The following MYT1L variants were observed in gnomAD, a reference collection of about 807,000 sequenced individuals.
MYT1L encodes the protein myelin transcription factor 1 like, also known as myelin transcription factor 1-like protein.
In MYT1L, 12 loss-of-function variants were observed where a neutral mutation model predicts 126.7. The ratio of observed to expected loss-of-function variants is 0.09; its 90% CI spans 0.06 to 0.15. The LOEUF is 0.15. MYT1L is among the 10% of genes least tolerant of loss of function. The pLI, the probability that MYT1L is intolerant of heterozygous loss-of-function variation, is 1.00. For synonymous variants in MYT1L, 541 were observed against 604.2 expected (o/e 0.90, Z 1.53); for missense variants, 979 against 1,585.2 (o/e 0.62, Z 6.49).
intron 4 of MYT1L, among the ~76,000 whole-genome samples, chr2:2,000,668 T>C (rs1213774565): frequency 1.3e-5 from 2 of 152,136 alleles, no homozygotes; most frequent in Non-Finnish European, 2.9e-5. Flanking sequence ...AATCCCATGG[T>C]TTGAGTGTCC....
At position 2,199,990 on chromosome 2, in the gene MYT1L, A is replaced by G. The variant is rs572665526; in HGVS notation, c.-420-27002T>C. On this transcript the variant is annotated intron_variant, in intron 2 of 24. Coordinates refer to ENST00000647738, the MANE Select transcript of MYT1L (RefSeq NM_001303052.2). ...AGCCAAGGAAGCAGCGTGCAGTGCC[A>G]TTCCTTCCTCCAGGTAAGCCTCGTT... Among the ~76,000 whole-genome samples the G allele has an allele frequency of 1.8e-4, 27 of 152,302 alleles. No homozygotes were observed. The South Asian group carries it at 5.4e-3, about 30-fold the overall frequency.
intron 18 of MYT1L, among the ~76,000 whole-genome samples, chr2:1,855,215 T>C (rs1334730381): frequency 6.6e-6 from 1 of 152,216 alleles, no homozygotes; most frequent in Non-Finnish European, 1.5e-5. Context: ...ACTGTTCATC[T>C]AACAAAAGGG....
intron 1 of MYT1L, chr2:2,324,207 A>C (rs2096214362): frequency 6.6e-6 from 1 of 152,204 alleles, no homozygotes; most frequent in African/African-American, 2.4e-5. Flanking sequence ...CAAGACTTGC[A>C]AAACAAAGTC....
chr2:1,870,161 A>C (rs896729545), intron 18 of MYT1L, among the ~76,000 whole-genome samples: 1 of 152,172 alleles, frequency 6.6e-6, no homozygotes, highest in Non-Finnish European at 1.5e-5. Flanking sequence ...GAAACTATTC[A>C]TTGAAATCAT....
At chr2:2,254,780 C>A (rs2094760530) in intron 2 of MYT1L, among the ~76,000 whole-genome samples, 1 of 152,072 alleles carries the variant, frequency 6.6e-6, no homozygotes, top group African/African-American at 2.4e-5. Context: ...CTTTAATCTT[C>A]ATCACAAGAA....
At chr2:1,882,866 C>A (rs766647361) in intron 18 of MYT1L, among the ~76,000 whole-genome samples, 1 of 152,198 alleles carries the variant, frequency 6.6e-6, no homozygotes, top group Non-Finnish European at 1.5e-5. Context: ...AAAGCAACAT[C>A]TTGACCTACA....
intron 10 of MYT1L, among the ~76,000 whole-genome samples, chr2:1,918,619 T>C (rs780515266): frequency 6.6e-6 from 1 of 152,218 alleles, no homozygotes; most frequent in Non-Finnish European, 1.5e-5. Flanking sequence ...AATAGACAAA[T>C]GCCATCATGT....
At position 2,184,879 on chromosome 2, in the gene MYT1L, C is replaced by G. The variant is rs374975295; in HGVS notation, c.-420-11891G>C. 4.6e-5 allele frequency among the ~76,000 whole-genome samples: 7 copies of G among 152,348 alleles called. No individual in the cohort carries two copies. The East Asian group carries it at 7.7e-4, about 17-fold the overall frequency. On this transcript the variant is annotated intron_variant, in intron 2 of 24. Coordinates refer to ENST00000647738, the MANE Select transcript of MYT1L (RefSeq NM_001303052.2). ...CCAGAAAGGGACCCGCCAAGAGAGG[C>G]CGCAGCTCGGCACTTTAGCTGGCAA...
chr2:2,135,025 C>T (rs1383302921), intron 3 of MYT1L, among the ~76,000 whole-genome samples: 1 of 152,182 alleles, frequency 6.6e-6, no homozygotes, highest in Admixed American at 6.5e-5. Flanking sequence ...ATCCACTCCA[C>T]CAAATTCAGT....
At chr2:2,305,131 G>A (rs1404639331) in intron 1 of MYT1L, among the ~76,000 whole-genome samples, 1 of 152,026 alleles carries the variant, frequency 6.6e-6, no homozygotes, top group African/African-American at 2.4e-5. Context: ...TTGGAGATAA[G>A]GTAAAATTGA....
chr2:2,051,023 A>G (rs1310461736), intron 4 of MYT1L, among the ~76,000 whole-genome samples: 1 of 152,138 alleles, frequency 6.6e-6, no homozygotes. Context: ...GACTGAGAGG[A>G]GGTATGCAAC....
At chr2:2,091,705 CTGT>C (rs2076932747) in intron 3 of MYT1L, among the ~76,000 whole-genome samples, 1 of 152,212 alleles carries the variant, frequency 6.6e-6, no homozygotes, top group Admixed American at 6.5e-5. Flanking sequence ...CACTGAAAAT[CTGT>C]TGTTAATGTA....
chr2:2,206,476 G>A (rs1017151945), intron 2 of MYT1L, among the ~76,000 whole-genome samples: 6 of 152,260 alleles, frequency 3.9e-5, no homozygotes, highest in African/African-American at 1.4e-4. Flanking sequence ...ACTGAATTTG[G>A]TTATGTCTGT....
At chr2:2,028,110 C>T (rs114463793) in intron 4 of MYT1L, among the ~76,000 whole-genome samples, 3 of 152,376 alleles carry the variant, frequency 2.0e-5, no homozygotes, top group African/African-American at 7.2e-5. Flanking sequence ...TTGACTCATG[C>T]TTTGCCCTGC....
At chr2:2,310,104 T>C (rs2095938091) in intron 1 of MYT1L, among the ~76,000 whole-genome samples, 1 of 151,868 alleles carries the variant, frequency 6.6e-6, no homozygotes, top group Non-Finnish European at 1.5e-5. Flanking sequence ...ACTTACACTT[T>C]AGTACACTCT....
chr2:1,796,026 T>C (rs2033413566), intron 23 of MYT1L, among the ~76,000 whole-genome samples: 1 of 152,156 alleles, frequency 6.6e-6, no homozygotes, highest in South Asian at 2.1e-4. Context: ...TTGCATTTTT[T>C]AGTGGTAAGA....
intron 3 of MYT1L, among the ~76,000 whole-genome samples, chr2:2,156,566 G>C (rs1559170247): frequency 6.6e-6 from 1 of 152,248 alleles, no homozygotes; most frequent in Non-Finnish European, 1.5e-5. Flanking sequence ...ATGTAGATTA[G>C]AAGTTTATTG....
rs147956760 is a variant in MYT1L at position 2,033,247 on chromosome 2, C to A, written c.-158+20731G>T. 8.0e-3 allele frequency among the ~76,000 whole-genome samples: 1,152 copies of A among 143,654 alleles called. 19 individuals are homozygous for A. The highest frequency in any genetic ancestry group is 0.028 in the African/African-American group (1,076 of 37,926). The allele number at this position is 143,654 out of a possible 152,430, so 94.2% of individuals were successfully genotyped here. A position where few individuals can be genotyped will look rare whatever the true frequency, so the allele number is the denominator to read the frequency against. On this transcript the variant is annotated intron_variant, in intron 4 of 24. Transcript: ENST00000647738. Reference sequence around the variant, plus strand: ...CCAGAGCAGATTCTAGATGGAGGGCCTTACACACACCCCTCGCCAGTGCCT... The same window carrying A: ...CCAGAGCAGATTCTAGATGGAGGGCATTACACACACCCCTCGCCAGTGCCT...
chr2:2,174,433 A>G (rs116077820), intron 2 of MYT1L, among the ~76,000 whole-genome samples: 124 of 152,318 alleles, frequency 8.1e-4, no homozygotes, highest in African/African-American at 2.9e-3. Context: ...AATCATCTAC[A>G]AAGATTCAGG....
Sources: gnomAD v4.1 joint callset for allele counts (sites outside exome capture counted in the v4.1 genomes callset) on GRCh38, gnomAD v4.1.1 for gene constraint, MANE v1.5 for transcripts, NCBI Gene and HGNC (gene_info 2026-07-23, HGNC 2026-07-21) for gene names.